RPRD2: variants seen among roughly 807,000 people sequenced by gnomAD.
RPRD2 encodes the protein regulation of nuclear pre-mRNA domain containing 2.
RPRD2 carries 12 observed loss-of-function variants against 104.4 expected under a neutral mutation model. The observed-to-expected ratio is 0.11, with a 90% CI of 0.07 to 0.19. The LOEUF (loss-of-function observed/expected upper bound fraction) is 0.19, where lower values mean the gene tolerates loss of function less well. RPRD2 is among the 10% of genes least tolerant of loss of function. The pLI is 1.00. For missense variants in RPRD2, 1,543 were observed against 1,790.1 expected, an observed-to-expected ratio of 0.86 and a Z score of 2.49; for synonymous variants, 714 against 684.9, an observed-to-expected ratio of 1.04 and a Z score of -0.66.
intron 1 of RPRD2, among the ~76,000 whole-genome samples, chr1:150,377,208 CAGAAAAAAAA>C (rs1660766755): frequency 1.3e-5 from 2 of 150,576 alleles, no homozygotes; most frequent in Admixed American, 6.6e-5. Context: ...AGACTATCTC[CAGAAAAAAAA>C]AGAAAAAAAG....
At chr1:150,409,179 A>G (rs782565649) in intron 1 of RPRD2, 1 of 152,336 alleles carries the variant, frequency 6.6e-6, no homozygotes, top group African/African-American at 2.4e-5. Flanking sequence ...CCCCTTCTGC[A>G]TAATAATTAA....
chr1:150,447,367 T>A (rs1294456244), intron 7 of RPRD2, among the ~76,000 whole-genome samples: 13 of 149,256 alleles, frequency 8.7e-5, no homozygotes, highest in African/African-American at 3.2e-4. Flanking sequence ...GGAGTTTCCC[T>A]CTTATTGCCT....
chr1:150,364,412 C>A lies in RPRD2; in HGVS notation c.-303C>A, dbSNP rs1216153843. Among the ~76,000 whole-genome samples the A allele has an allele frequency of 1.3e-5, 2 of 152,026 alleles. No individual in the cohort carries two copies. Among genetic ancestry groups the A allele is most frequent in the African/African-American group, 4.8e-5 (2 of 41,360 alleles). On this transcript the variant is annotated 5_prime_UTR_variant, in exon 1 of 11. Coordinates refer to ENST00000369068, the MANE Select transcript of RPRD2 (RefSeq NM_015203.5). ...AGGCGTTTTGAAAGGCTTTGCAGGT[C>A]CTGTTTTCTGCGTAATTTTTCCGTG...
chr1:150,405,691 C>A (rs1663417425), intron 1 of RPRD2, among the ~76,000 whole-genome samples: 1 of 152,086 alleles, frequency 6.6e-6, no homozygotes, highest in Non-Finnish European at 1.5e-5. Context: ...TCCTGGTTAA[C>A]CATGCCTAAA....
At chr1:150,449,000 C>T (rs782458831) in intron 7 of RPRD2, among the ~76,000 whole-genome samples, 1 of 152,208 alleles carries the variant, frequency 6.6e-6, no homozygotes, top group Non-Finnish European at 1.5e-5. Context: ...CACAGTGGCT[C>T]ATGCCTGTAA....
At chr1:150,398,974 T>A (rs1262750315) in intron 1 of RPRD2, among the ~76,000 whole-genome samples, 1 of 152,210 alleles carries the variant, frequency 6.6e-6, no homozygotes, top group African/African-American at 2.4e-5. Flanking sequence ...GAATTTCTTC[T>A]ATATTTTCTT....
At chr1:150,412,715 T>C (rs1294139575) in intron 1 of RPRD2, among the ~76,000 whole-genome samples, 1 of 152,200 alleles carries the variant, frequency 6.6e-6, no homozygotes, top group African/African-American at 2.4e-5. Flanking sequence ...AGATTTGATA[T>C]GATAAATAAT....
chr1:150,466,105 G>A (rs1042602997), intron 10 of RPRD2, among the ~76,000 whole-genome samples: 12 of 151,548 alleles, frequency 7.9e-5, no homozygotes, highest in Non-Finnish European at 1.6e-4. Context: ...AGCGCCGGGC[G>A]CGGTGGCTCA....
intron 2 of RPRD2, among the ~76,000 whole-genome samples, chr1:150,419,475 G>GT (rs1553889213): frequency 6.6e-6 from 1 of 152,102 alleles, no homozygotes; most frequent in Non-Finnish European, 1.5e-5. Context: ...TTAAAATATG[G>GT]TACTACTTGA....
Position 150,471,362 on chromosome 1 carries a change from A to T in RPRD2, c.2414A>T (p.Asp805Val). 6.2e-7 allele frequency: 1 copy of T among 1,613,638 alleles called. No individual in the cohort carries two copies. The highest frequency in any genetic ancestry group is 8.5e-7 in the Non-Finnish European group (1 of 1,179,844). ...GSESPYKQPS[D>V]GMERPSSLMD... ...GAATCTCCCTATAAGCAGCCTTCTG[A>T]TGGAATGGAGAGACCATCTTCCCTG... is the stretch of plus-strand genomic sequence containing the variant. Residue 805 changes from aspartate (D) to valine (V), a missense_variant, in exon 11 of 11, where the codon GAT becomes GTT. Coordinates refer to ENST00000369068, the MANE Select transcript of RPRD2 (RefSeq NM_015203.5). This position sits in a 1 kb window ranked among gnomAD's most constrained non-coding sequence, Gnocchi z 5.3.
chr1:150,468,680 C>G (rs587595857), intron 10 of RPRD2, among the ~76,000 whole-genome samples: 2 of 152,230 alleles, frequency 1.3e-5, no homozygotes, highest in East Asian at 3.9e-4. Flanking sequence ...ATTTTGAGAT[C>G]AGCCTGCGCA....
At chr1:150,417,551 A>T (rs1553888795) in intron 1 of RPRD2, 45 bp from the exon 2 acceptor site, 1 of 1,441,654 alleles carries the variant, frequency 6.9e-7, no homozygotes, top group South Asian at 1.6e-5. Context: ...AACTAAGTGC[A>T]AATTGACTCA....
chr1:150,412,248 T>G (rs1663996146), intron 1 of RPRD2, among the ~76,000 whole-genome samples: 1 of 152,220 alleles, frequency 6.6e-6, no homozygotes, highest in Non-Finnish European at 1.5e-5. Flanking sequence ...TATAGGGTGC[T>G]TAAAGACCAC....
intron 2 of RPRD2, among the ~76,000 whole-genome samples, chr1:150,424,785 CT>C (rs782701843): frequency 1.3e-4 from 20 of 152,096 alleles, no homozygotes; most frequent in Non-Finnish European, 2.5e-4. Flanking sequence ...ATAACAGCAC[CT>C]TAGTAATCTT....
chr1:150,375,413 A>G (rs587724415), intron 1 of RPRD2, among the ~76,000 whole-genome samples: 1 of 152,336 alleles, frequency 6.6e-6, no homozygotes, highest in East Asian at 1.9e-4. Flanking sequence ...GGAAAATTAC[A>G]ATAGCAGTGG....
intron 1 of RPRD2, among the ~76,000 whole-genome samples, chr1:150,383,308 T>A (rs868914549): frequency 7.0e-6 from 1 of 143,172 alleles, no homozygotes; most frequent in Non-Finnish European, 1.5e-5. Context: ...AATAAGAGGT[T>A]TTTTTTTTTT....
intron 7 of RPRD2, among the ~76,000 whole-genome samples, chr1:150,451,823 C>T (rs1322117310): frequency 3.3e-5 from 5 of 151,514 alleles, no homozygotes; most frequent in African/African-American, 1.2e-4. Flanking sequence ...CTTAATCATC[C>T]GATATAACTG....
chr1:150,424,423 G>A (rs1664973217), intron 2 of RPRD2, among the ~76,000 whole-genome samples: 1 of 152,092 alleles, frequency 6.6e-6, no homozygotes, highest in Admixed American at 6.5e-5. Flanking sequence ...GAGAAGCTGG[G>A]ATTACAGGCG....
chr1:150,433,907 T>C (rs1307627506), intron 2 of RPRD2, among the ~76,000 whole-genome samples: 1 of 131,490 alleles, frequency 7.6e-6, no homozygotes, highest in African/African-American at 3.3e-5. Context: ...TACATATGTA[T>C]GTATATATAG....
Sources: allele counts gnomAD v4.1 joint callset (sites outside exome capture counted in the v4.1 genomes callset), GRCh38; gene constraint gnomAD v4.1.1; non-coding constraint Gnocchi (gnomAD v3.1); transcripts MANE v1.5; gene names NCBI Gene and HGNC (gene_info 2026-07-23, HGNC 2026-07-21).